The following WDR4 variants were observed in gnomAD, a reference collection of about 807,000 sequenced individuals.
The protein encoded by WDR4 is tRNA (guanine-N(7)-)-methyltransferase non-catalytic subunit WDR4.
WDR4 carries 47 observed loss-of-function variants against 48.6 expected under a neutral mutation model. The ratio of observed to expected loss-of-function variants is 0.97; its 90% CI spans 0.77 to 1.23. The LOEUF is 1.23. Among genes scored for constraint, WDR4 ranks in the 50% most tolerant of loss-of-function variants. The probability of loss-of-function intolerance (pLI) is 0.00; values close to 1 mark genes in which losing one functional copy is unlikely to be tolerated. For synonymous variants in WDR4, 268 were observed against 230.0 expected, an observed-to-expected ratio of 1.17 and a Z score of -1.49; for missense variants, 606 against 551.6, an observed-to-expected ratio of 1.10 and a Z score of -0.99.
chr21:42,868,022 CCA>C (rs1249235934), intron 3 of WDR4, among the ~76,000 whole-genome samples: 1 of 152,202 alleles, frequency 6.6e-6, no homozygotes, highest in African/African-American at 2.4e-5. Flanking sequence ...GTATCTGCAT[CCA>C]CCACGAGTCC....
At chr21:42,891,352 G>T in the WDR4 span, among the ~76,000 whole-genome samples, 1 of 151,552 alleles carries the variant, frequency 6.6e-6, no homozygotes, top group Non-Finnish European at 1.5e-5. Flanking sequence ...AATCAAGATG[G>T]TTCATGCCCC....
intron 7 of WDR4, 68 bp from the exon 8 acceptor site, chr21:42,854,694 A>G (rs1473635533): frequency 3.6e-5 from 54 of 1,503,486 alleles, no homozygotes; most frequent in Non-Finnish European, 4.6e-5. Flanking sequence ...GCTCTGATCC[A>G]ACAAGAGCAA....
chr21:42,887,618 G>A, the WDR4 span, among the ~76,000 whole-genome samples: 7 of 152,310 alleles, frequency 4.6e-5, no homozygotes, highest in East Asian at 1.3e-3. Context: ...TTAGTTTTAT[G>A]CAGTTGTGAT....
chr21:42,867,418 A>G (rs1300328687), intron 3 of WDR4, among the ~76,000 whole-genome samples: 1 of 151,108 alleles, frequency 6.6e-6, no homozygotes, highest in African/African-American at 2.4e-5. Flanking sequence ...AAAAAAGTGA[A>G]CGCACAGGTA....
At chr21:42,892,178 C>T in the WDR4 span, among the ~76,000 whole-genome samples, 1 of 149,096 alleles carries the variant, frequency 6.7e-6, no homozygotes, top group African/African-American at 2.5e-5. Flanking sequence ...GGCGTGAACC[C>T]GGGAGGCGGA....
chr21:42,860,490 C>T (rs991108769), intron 5 of WDR4, among the ~76,000 whole-genome samples: 4 of 152,254 alleles, frequency 2.6e-5, no homozygotes, highest in Admixed American at 1.3e-4. Context: ...CCCTCATGCA[C>T]GGGGTTCCCG....
intron 6 of WDR4, 61 bp downstream of exon 6, chr21:42,859,601 A>AC: frequency 5.2e-6 from 2 of 382,344 alleles, no homozygotes; most frequent in Non-Finnish European, 5.1e-6. Flanking sequence ...GGAGGCGCCC[A>AC]CCCCACCCTC....
upstream of WDR4, among the ~76,000 whole-genome samples, chr21:42,881,613 C>T (rs925487241): frequency 2.6e-5 from 4 of 152,082 alleles, no homozygotes; most frequent in African/African-American, 7.2e-5. Context: ...CATTTGTCCA[C>T]CTCCCGTAGT....
chr21:42,869,314 C>A (rs112240415), intron 3 of WDR4, among the ~76,000 whole-genome samples: 2,887 of 152,280 alleles, frequency 0.019, 102 homozygotes, highest in African/African-American at 0.066. Context: ...CTTCTACAAC[C>A]CCACTCACCA....
At chr21:42,865,367 C>A (rs983540045) in intron 3 of WDR4, among the ~76,000 whole-genome samples, 1 of 152,196 alleles carries the variant, frequency 6.6e-6, no homozygotes, top group Admixed American at 6.5e-5. Flanking sequence ...ACAAACACGA[C>A]CATGGTGGCA....
At chr21:42,865,759 G>C (rs995862764) in intron 3 of WDR4, among the ~76,000 whole-genome samples, 3 of 151,924 alleles carry the variant, frequency 2.0e-5, no homozygotes, top group African/African-American at 4.8e-5. Flanking sequence ...CTCGGGTCTC[G>C]GGTCTCAGCA....
intron 5 of WDR4, 45 bp from the exon 6 acceptor site, chr21:42,859,767 C>T (rs778138954): frequency 2.8e-5 from 44 of 1,549,194 alleles, no homozygotes; most frequent in South Asian, 3.6e-5. Context: ...GCCCAGCGCC[C>T]GCAGGGACCG....
At chr21:42,865,776 C>T (rs1303085625) in intron 3 of WDR4, among the ~76,000 whole-genome samples, 3 of 152,096 alleles carry the variant, frequency 2.0e-5, no homozygotes. Context: ...AGCACTCCCT[C>T]CACAGTCACT....
chr21:42,853,505 G>A (rs1172095272), intron 9 of WDR4, 64 bp downstream of exon 9: 17 of 1,524,426 alleles, frequency 1.1e-5, no homozygotes, highest in African/African-American at 6.8e-5. Flanking sequence ...CATAGCTGCC[G>A]CCCCACACCC....
rs577375058 is a variant in WDR4, at chr21:42,866,166, T to C, written c.297-2570A>G. 2.6e-5 allele frequency among the ~76,000 whole-genome samples: 4 copies of C among 152,270 alleles called. No homozygotes were observed. In the South Asian group the frequency reaches 8.3e-4, roughly 32 times the overall value. On this transcript the variant is annotated intron_variant, in intron 3 of 10. Coordinates refer to ENST00000398208, the MANE Select transcript of WDR4 (RefSeq NM_018669.6). ...TCAATGTATCACTCGTCACCCTGTG[T>C]CCTCATCTTCGGCTTGGAAAACCTG...
At chr21:42,870,605 T>C (rs1037480823) in intron 3 of WDR4, among the ~76,000 whole-genome samples, 1 of 152,040 alleles carries the variant, frequency 6.6e-6, no homozygotes, top group East Asian at 1.9e-4. Flanking sequence ...CTGGCCAACA[T>C]GGTGAAACCC....
At chr21:42,860,600 C>T (rs760313340) in intron 5 of WDR4, among the ~76,000 whole-genome samples, 49 of 152,364 alleles carry the variant, frequency 3.2e-4, no homozygotes, top group Non-Finnish European at 5.6e-4. Context: ...GGCCCGGTCC[C>T]GCAGCCACCG....
the WDR4 span, among the ~76,000 whole-genome samples, chr21:42,891,099 G>C: frequency 6.6e-6 from 1 of 152,046 alleles, no homozygotes; most frequent in Non-Finnish European, 1.5e-5. Context: ...GATGCAGGCA[G>C]ATCACTTGAG....
rs773085324 is a variant in WDR4 at position 42,863,489 on chromosome 21, T to G, written c.404A>C (p.His135Pro). ...DVYSFSVLEP[H>P]GCGRLELGHL... Reference sequence around the variant, plus strand: ...CCCCAGCTCTAGACGGCCACACCCGTGTGGCTCCAGCACCGAAAAGGAGTA... The same window carrying G: ...CCCCAGCTCTAGACGGCCACACCCGGGTGGCTCCAGCACCGAAAAGGAGTA... Residue 135 changes from histidine to proline, a missense_variant, in exon 4 of 11, where the codon CAC (histidine) becomes CCC (proline). Transcript: ENST00000398208. 3.1e-6 allele frequency: 5 copies of G among 1,613,194 alleles called. No homozygotes were observed. Among genetic ancestry groups the G allele is most frequent in the South Asian group, 1.1e-5 (1 of 91,000 alleles).
Sources: gnomAD v4.1 joint callset for allele counts (sites outside exome capture counted in the v4.1 genomes callset) on GRCh38, gnomAD v4.1.1 for gene constraint, MANE v1.5 for transcripts, NCBI Gene and HGNC (gene_info 2026-07-23, HGNC 2026-07-21) for gene names.